The following FASTKD1 variants were observed in gnomAD, a reference collection of about 807,000 sequenced individuals.
The protein encoded by FASTKD1 is FAST kinase domain-containing protein 1, mitochondrial.
Under a neutral mutation model 90.9 loss-of-function variants are expected in FASTKD1, and 94 were observed. The ratio of observed to expected loss-of-function variants is 1.03; its 90% CI spans 0.88 to 1.23. FASTKD1 has a LOEUF of 1.23. FASTKD1 is among the 50% of genes most tolerant of loss of function. The pLI, the probability that FASTKD1 is intolerant of heterozygous loss-of-function variation, is 0.00. For synonymous variants in FASTKD1, 319 were observed against 345.8 expected (o/e 0.92, Z 0.86); for missense variants, 945 against 993.5 (o/e 0.95, Z 0.66).
At chr2:169,535,581 T>A (rs1165450162) in intron 12 of FASTKD1, among the ~76,000 whole-genome samples, 1 of 152,136 alleles carries the variant, frequency 6.6e-6, no homozygotes, top group African/African-American at 2.4e-5. Flanking sequence ...TGAGACTATG[T>A]GTATGAGCAT....
chr2:169,537,173 A>T, intron 12 of FASTKD1, 54 bp downstream of exon 12: 1 of 1,061,878 alleles, frequency 9.4e-7, no homozygotes, highest in Non-Finnish European at 1.5e-6. Context: ...AGATGATTCT[A>T]TTCAAATTAG....
At chr2:169,549,136 T>G (rs530222150) in intron 7 of FASTKD1, among the ~76,000 whole-genome samples, 25 of 152,056 alleles carry the variant, frequency 1.6e-4, no homozygotes, top group African/African-American at 5.8e-4. Context: ...GGCTCACGCC[T>G]GTAATCCCAT....
chr2:169,540,587 A>G (rs1684920388), intron 9 of FASTKD1, among the ~76,000 whole-genome samples: 1 of 152,216 alleles, frequency 6.6e-6, no homozygotes, highest in Non-Finnish European at 1.5e-5. Context: ...GTTGATGATA[A>G]TAATACAATA....
Position 169,544,831 on chromosome 2 carries a change from TG to T in FASTKD1, c.1705del (p.His569IlefsTer15), listed in dbSNP as rs765570133. The T allele has an allele frequency of 1.3e-6, 2 of 1,580,864 alleles. No homozygotes were observed. The highest frequency in any genetic ancestry group is 1.1e-5 in the South Asian group (1 of 89,548). ...AATAATAGCAGGGATTGTAAAAGGATGGATCTGTATAAAAAGAACAAAAAAT... is the reference window on the plus strand; with the variant it reads ...AATAATAGCAGGGATTGTAAAAGGATGATCTGTATAAAAAGAACAAAAAAT... ...SVAVQQIEKI[H>X]PFTIPAIIRP... On this transcript the variant is annotated frameshift_variant, in exon 9 of 15. Transcript: ENST00000453153. LOFTEE classifies it high-confidence loss of function.
intron 3 of FASTKD1, among the ~76,000 whole-genome samples, chr2:169,564,955 T>TC (rs957896551): frequency 1.2e-4 from 18 of 148,570 alleles, no homozygotes; most frequent in East Asian, 1.9e-4. Flanking sequence ...CATTTTTCTT[T>TC]TTTTTTTTTT....
At chr2:169,557,670 C>T (rs1451825502) in intron 5 of FASTKD1, among the ~76,000 whole-genome samples, 1 of 152,124 alleles carries the variant, frequency 6.6e-6, no homozygotes, top group Non-Finnish European at 1.5e-5. Flanking sequence ...CTGACAATTT[C>T]CCAAATGTTT....
At chr2:169,565,842 C>T (rs556649750) in intron 3 of FASTKD1, among the ~76,000 whole-genome samples, 3 of 152,190 alleles carry the variant, frequency 2.0e-5, no homozygotes, top group East Asian at 1.9e-4. Context: ...CACATCCTTG[C>T]CAGCATTTGT....
At chr2:169,558,259 T>C (rs1453106358) in intron 5 of FASTKD1, among the ~76,000 whole-genome samples, 1 of 152,174 alleles carries the variant, frequency 6.6e-6, no homozygotes, top group African/African-American at 2.4e-5. Flanking sequence ...TGTTCGTGTG[T>C]GTGTTTCTTC....
At chr2:169,550,822 T>G (rs1168959481) in intron 7 of FASTKD1, among the ~76,000 whole-genome samples, 2 of 152,254 alleles carry the variant, frequency 1.3e-5, no homozygotes, top group Non-Finnish European at 2.9e-5. Context: ...AGGCACTTAG[T>G]TAGTACTGCA....
chr2:169,558,447 T>C (rs1377589312), intron 5 of FASTKD1, among the ~76,000 whole-genome samples: 2 of 151,392 alleles, frequency 1.3e-5, no homozygotes, highest in Admixed American at 6.6e-5. Context: ...TTATTTTTTG[T>C]ATTTTTTTGT....
At chr2:169,561,817 A>AATTATTTATTAATTTATTGTAT (rs1683647231) in intron 4 of FASTKD1, among the ~76,000 whole-genome samples, 8 of 139,688 alleles carry the variant, frequency 5.7e-5, no homozygotes, top group East Asian at 2.0e-4. Flanking sequence ...ATTTATTGTA[A>AATTATTTATTAATTTATTGTAT]ATTATTTATT....
At chr2:169,536,176 C>T (rs1684716353) in intron 12 of FASTKD1, among the ~76,000 whole-genome samples, 1 of 152,126 alleles carries the variant, frequency 6.6e-6, no homozygotes, top group Non-Finnish European at 1.5e-5. Context: ...GTGTTAAATG[C>T]TTTACATGCA....
intron 7 of FASTKD1, among the ~76,000 whole-genome samples, chr2:169,549,984 A>C (rs1172207636): frequency 6.6e-6 from 1 of 152,154 alleles, no homozygotes; most frequent in African/African-American, 2.4e-5. Flanking sequence ...AAACTAACCT[A>C]ATAAACTAAT....
rs1482690006 is a variant in FASTKD1, at chr2:169,546,586, G to A, written c.1333C>T (p.Gln445Ter). The A allele has an allele frequency of 1.9e-6, 3 of 1,614,166 alleles. No individual in the cohort carries two copies. Among genetic ancestry groups the A allele is most frequent in the Non-Finnish European group, 2.5e-6 (3 of 1,180,038 alleles). Residue 445 changes from glutamine to a stop codon, truncating the protein, a stop_gained, in exon 8 of 15, where the codon CAG becomes TAG. Coordinates refer to ENST00000453153, the MANE Select transcript of FASTKD1 (RefSeq NM_024622.6). LOFTEE classifies it high-confidence loss of function. ...GISRIEAVLP[Q>*]CDLNNLSSFA... The stretch of plus-strand genomic sequence containing the variant: ...CTACTCAGGTTATTTAGGTCACACT[G>A]TGGTAAAACGGCTTCAATTCGGGAT...
chr2:169,541,215 G>GT (rs1559141856), intron 9 of FASTKD1, among the ~76,000 whole-genome samples: 1 of 152,098 alleles, frequency 6.6e-6, no homozygotes, highest in African/African-American at 2.4e-5. Context: ...TACTTATAAA[G>GT]TTCCCTAGGA....
rs1212018162 is a variant in FASTKD1, at chr2:169,529,589, G to C, written c.*236C>G. Among the ~76,000 whole-genome samples, 1 of 151,978 alleles carries C rather than the reference G, an allele frequency of 6.6e-6. No individual in the cohort carries two copies. The highest frequency in any genetic ancestry group is 6.6e-5 in the Admixed American group (1 of 15,248). ...AAAGCCCCCAATGGCTTCTCATCTC[G>C]CTCAGAGTAGCCAAGAGGTTGTATT... On this transcript the variant is annotated 3_prime_UTR_variant, in exon 15 of 15. Transcript: ENST00000453153.
intron 7 of FASTKD1, among the ~76,000 whole-genome samples, chr2:169,550,227 T>G: frequency 6.6e-6 from 1 of 152,172 alleles, no homozygotes. Flanking sequence ...GGGGGAATAG[T>G]AATAAGTGAA....
intron 2 of FASTKD1, among the ~76,000 whole-genome samples, chr2:169,569,661 G>A (rs1022902326): frequency 6.6e-6 from 1 of 152,026 alleles, no homozygotes; most frequent in African/African-American, 2.4e-5. Context: ...GACCAGCCTG[G>A]GCAACATGGT....
intron 2 of FASTKD1, 30 bp from the exon 3 acceptor site, chr2:169,569,282 A>G (rs751119324): frequency 4.4e-6 from 7 of 1,595,620 alleles, no homozygotes; most frequent in Non-Finnish European, 6.0e-6. Flanking sequence ...TCCTCCATAC[A>G]TAATCATTTT....
Sources: allele counts gnomAD v4.1 joint callset (sites outside exome capture counted in the v4.1 genomes callset), GRCh38; gene constraint gnomAD v4.1.1; transcripts MANE v1.5; gene names NCBI Gene and HGNC (gene_info 2026-07-23, HGNC 2026-07-21).